Variants in SYT10 observed in about 807,000 individuals in gnomAD.
SYT10 encodes synaptotagmin-10.
SYT10 carries 31 observed loss-of-function variants against 51.1 expected under a neutral mutation model. The observed-to-expected ratio is 0.61, with a 90% CI of 0.46 to 0.82. The LOEUF is 0.82. SYT10 is among the 40% of genes least tolerant of loss of function. The pLI, the probability that SYT10 is intolerant of heterozygous loss-of-function variation, is 0.00. For missense variants in SYT10, 603 were observed against 634.0 expected, an observed-to-expected ratio of 0.95 and a Z score of 0.53; for synonymous variants, 233 against 225.9, an observed-to-expected ratio of 1.03 and a Z score of -0.28.
Position 33,385,120 on chromosome 12 carries a change from A to G in SYT10, c.1198+51T>C, listed in dbSNP as rs529321493. Reference sequence around the variant, plus strand: ...TCATGTATCATTTTTAGATACATGAAATATTTCATTTGAGATTGTGCCCTT... The same window carrying G: ...TCATGTATCATTTTTAGATACATGAGATATTTCATTTGAGATTGTGCCCTT... On this transcript the variant is annotated intron_variant, in intron 4 of 6. Transcript: ENST00000228567. The G allele has an allele frequency of 4.4e-6, 7 of 1,595,110 alleles. No homozygotes were observed. In the East Asian group the frequency reaches 1.1e-4, roughly 26 times the overall value.
At chr12:33,398,719 A>G (rs1361253801) in intron 3 of SYT10, among the ~76,000 whole-genome samples, 1 of 99,180 alleles carries the variant, frequency 1.0e-5, no homozygotes, top group Non-Finnish European at 2.0e-5. Flanking sequence ...CTATCTAAAC[A>G]ATAACAAAAA....
At chr12:33,394,877 G>A (rs1866240556) in intron 3 of SYT10, among the ~76,000 whole-genome samples, 1 of 152,192 alleles carries the variant, frequency 6.6e-6, no homozygotes, top group Admixed American at 6.5e-5. Flanking sequence ...CATGAGGTCA[G>A]GAGATCAAGA....
chr12:33,428,632 C>T (rs1033544911), intron 1 of SYT10, among the ~76,000 whole-genome samples: 8 of 152,142 alleles, frequency 5.3e-5, no homozygotes, highest in Non-Finnish European at 8.8e-5. Context: ...GGCGGCCAGG[C>T]GCGGTGGCTC....
intron 1 of SYT10, among the ~76,000 whole-genome samples, chr12:33,429,011 A>G (rs558785192): frequency 1.3e-5 from 2 of 152,230 alleles, no homozygotes; most frequent in East Asian, 1.9e-4. Flanking sequence ...GGGAGCAATA[A>G]CTACAGCAGC....
rs760683505 is a variant in SYT10 at position 33,382,528 on chromosome 12, TAAG to T, written c.1199-11_1199-9del. 16 of 1,580,340 alleles carry T rather than the reference TAAG, an allele frequency of 1.0e-5. No individual in the cohort carries two copies. In the Admixed American group the frequency reaches 2.7e-4, roughly 27 times the overall value. Reference sequence around the variant, plus strand: ...ACACTTTGACATAAGGATCTAGGAATAAGAAGATAACTTTATTAAAATAAAAGT... The same window carrying T: ...ACACTTTGACATAAGGATCTAGGAATAAGATAACTTTATTAAAATAAAAGT... On this transcript the variant is annotated splice_polypyrimidine_tract_variant and intron_variant, in intron 4 of 6. Transcript: ENST00000228567.
chr12:33,400,051 C>A (rs7955614), intron 3 of SYT10, among the ~76,000 whole-genome samples: 5,844 of 152,242 alleles, frequency 0.038, 361 homozygotes, highest in African/African-American at 0.13. Flanking sequence ...CCTGGTAAGA[C>A]AGACAGCCCC....
intron 5 of SYT10, 93 bp downstream of exon 5, chr12:33,382,248 TAAATTAAA>T: frequency 1.8e-6 from 2 of 1,116,302 alleles, no homozygotes; most frequent in Non-Finnish European, 2.4e-6. Context: ...TCCTCCAATT[TAAATTAAA>T]ACTGTTGTGG....
At chr12:33,385,022 A>G in intron 4 of SYT10, 149 bp downstream of exon 4, 1 of 992,886 alleles carries the variant, frequency 1.0e-6, no homozygotes, top group Non-Finnish European at 1.4e-6. Context: ...AAAAGAGATG[A>G]ATTGGAACAT....
chr12:33,392,673 T>C (rs2389195), intron 3 of SYT10, among the ~76,000 whole-genome samples: 69,315 of 151,736 alleles, frequency 0.46, 17,328 homozygotes, highest in East Asian at 0.89. Flanking sequence ...TGTTTCTGCA[T>C]GAAAGAAGGA....
At chr12:33,408,831 T>TATCA (rs1339159906) in intron 2 of SYT10, among the ~76,000 whole-genome samples, 2 of 152,204 alleles carry the variant, frequency 1.3e-5, no homozygotes, top group East Asian at 3.8e-4. Context: ...TAATATTTTT[T>TATCA]ATCAGTCACT....
intron 1 of SYT10, among the ~76,000 whole-genome samples, chr12:33,427,806 G>A (rs1002381176): frequency 6.6e-6 from 1 of 152,096 alleles, no homozygotes; most frequent in Non-Finnish European, 1.5e-5. Context: ...TGAGGATCTA[G>A]GAGAATTTAT....
intron 1 of SYT10, among the ~76,000 whole-genome samples, chr12:33,428,799 G>A (rs1264925112): frequency 2.0e-5 from 3 of 152,046 alleles, no homozygotes; most frequent in Non-Finnish European, 4.4e-5. Flanking sequence ...CCAGCTACTT[G>A]GGAGGCTGAG....
chr12:33,381,789 T>A (rs1392858958), intron 5 of SYT10, among the ~76,000 whole-genome samples: 3 of 152,134 alleles, frequency 2.0e-5, no homozygotes, highest in Non-Finnish European at 4.4e-5. Flanking sequence ...AAGAGTGTGA[T>A]CTGGAAGAAC....
At chr12:33,388,181 G>T (rs1408466271) in intron 3 of SYT10, among the ~76,000 whole-genome samples, 1 of 152,018 alleles carries the variant, frequency 6.6e-6, no homozygotes, top group South Asian at 2.1e-4. Flanking sequence ...TGTATTAGGG[G>T]TATTAAACAA....
At chr12:33,410,154 T>C (rs1359846778) in intron 2 of SYT10, among the ~76,000 whole-genome samples, 1 of 152,230 alleles carries the variant, frequency 6.6e-6, no homozygotes, top group Non-Finnish European at 1.5e-5. Context: ...TAACCTTAAG[T>C]TTATTCTGTG....
intron 3 of SYT10, among the ~76,000 whole-genome samples, chr12:33,394,201 T>C (rs1866234656): frequency 6.6e-6 from 1 of 152,184 alleles, no homozygotes; most frequent in Non-Finnish European, 1.5e-5. Context: ...AGATGATAGA[T>C]ATTGAAAAAT....
chr12:33,396,687 C>CT (rs1386693501), intron 3 of SYT10, among the ~76,000 whole-genome samples: 475 of 142,620 alleles, frequency 3.3e-3, no homozygotes, highest in Admixed American at 3.9e-3. Flanking sequence ...TGGAATTCCA[C>CT]TTTTTTTTTT....
At chr12:33,419,133 A>G (rs1212207578) in intron 2 of SYT10, among the ~76,000 whole-genome samples, 1 of 152,136 alleles carries the variant, frequency 6.6e-6, no homozygotes, top group Non-Finnish European at 1.5e-5. Flanking sequence ...TTACCTTCTC[A>G]GCAAGATCTG....
chr12:33,438,524 G>A (rs1592001261), intron 1 of SYT10, among the ~76,000 whole-genome samples: 1 of 152,104 alleles, frequency 6.6e-6, no homozygotes, highest in African/African-American at 2.4e-5. Context: ...CCACCCCCAA[G>A]CCTTGAGGAA....
Sources: gnomAD v4.1 joint callset for allele counts (sites outside exome capture counted in the v4.1 genomes callset) on GRCh38, gnomAD v4.1.1 for gene constraint, MANE v1.5 for transcripts, NCBI Gene and HGNC (gene_info 2026-07-23, HGNC 2026-07-21) for gene names.